The following IGDCC3 variants were observed in gnomAD, a reference collection of about 807,000 sequenced individuals.
IGDCC3 encodes the protein putative neuronal cell adhesion molecule.
In IGDCC3, 47 loss-of-function variants were observed where a neutral mutation model predicts 72.0. The observed-to-expected ratio is 0.65, with a 90% CI of 0.52 to 0.83. The LOEUF (loss-of-function observed/expected upper bound fraction) is 0.83. IGDCC3 is among the 40% of genes least tolerant of loss of function. IGDCC3 has a pLI of 0.00. For missense variants in IGDCC3, 1,038 were observed against 1,091.3 expected (o/e 0.95, Z 0.69); for synonymous variants, 477 against 472.8 (o/e 1.01, Z -0.11).
intron 2 of IGDCC3, among the ~76,000 whole-genome samples, chr15:65,354,125 C>T (rs945899272): frequency 1.8e-4 from 28 of 152,148 alleles, no homozygotes; most frequent in Admixed American, 1.8e-3. Flanking sequence ...AGGCTGGTCT[C>T]GAACTCCTGA....
In IGDCC3 at chr15:65,340,766, T is replaced by A. The variant is rs1475635483; in HGVS notation, c.410-4810A>T. Reference sequence around the variant, plus strand: ...TGTTTTTTGAGAGAGACTCACTCTATCACCTAGGCTGCAGTGCAGTGGTGA... The same window carrying A: ...TGTTTTTTGAGAGAGACTCACTCTAACACCTAGGCTGCAGTGCAGTGGTGA... On this transcript the variant is annotated intron_variant, in intron 2 of 13. Coordinates refer to ENST00000327987, the MANE Select transcript of IGDCC3 (RefSeq NM_004884.4). Among the ~76,000 whole-genome samples, 3 of 152,248 alleles carry A rather than the reference T, an allele frequency of 2.0e-5. No homozygotes were observed. In the East Asian group the frequency reaches 5.8e-4, roughly 29 times the overall value.
chr15:65,350,427 G>A (rs1368235676), intron 2 of IGDCC3, among the ~76,000 whole-genome samples: 1 of 150,878 alleles, frequency 6.6e-6, no homozygotes, highest in East Asian at 1.9e-4. Context: ...TGGGATTACA[G>A]GCATAAGCCA....
At chr15:65,364,542 C>T (rs1192147528) in intron 2 of IGDCC3, among the ~76,000 whole-genome samples, 1 of 152,138 alleles carries the variant, frequency 6.6e-6, no homozygotes, top group African/African-American at 2.4e-5. Context: ...CAGGAGCCCA[C>T]ATCCAAGGCT....
In IGDCC3 at chr15:65,331,679, C is replaced by G. The variant is rs1238995019; in HGVS notation, c.1149-20G>C. On this transcript the variant is annotated intron_variant, in intron 7 of 13. Transcript: ENST00000327987. ...AGTGTGCTGCAGGGGAGAGAGACAG[C>G]CTCAGGTTCCCTCCTCCCTGGAGGT... The G allele has an allele frequency of 6.4e-7, 1 of 1,567,160 alleles. No individual in the cohort carries two copies. Among genetic ancestry groups the G allele is most frequent in the Non-Finnish European group, 8.7e-7 (1 of 1,152,604 alleles).
intron 2 of IGDCC3, among the ~76,000 whole-genome samples, chr15:65,349,296 G>A (rs902794622): frequency 8.5e-5 from 13 of 152,212 alleles, no homozygotes; most frequent in Non-Finnish European, 8.8e-5. Flanking sequence ...CCCCTGGGGC[G>A]ATGGTGGCAT....
chr15:65,348,350 C>G (rs1444444558), intron 2 of IGDCC3, among the ~76,000 whole-genome samples: 1 of 152,184 alleles, frequency 6.6e-6, no homozygotes, highest in Non-Finnish European at 1.5e-5. Context: ...CTCTTGGGGT[C>G]TGAATTGGGA....
chr15:65,353,190 C>CTTT (rs575582153), intron 2 of IGDCC3, among the ~76,000 whole-genome samples: 1 of 144,418 alleles, frequency 6.9e-6, no homozygotes, highest in Non-Finnish European at 1.5e-5. Flanking sequence ...GACAAGCGTA[C>CTTT]TTTTTTTTTT....
chr15:65,376,162 T>C lies in IGDCC3; in HGVS notation c.104-760A>G, dbSNP rs538503158. Among the ~76,000 whole-genome samples, 5 of 152,040 alleles carry C rather than the reference T, an allele frequency of 3.3e-5. No individual in the cohort carries two copies. In the East Asian group the frequency reaches 5.8e-4, roughly 18 times the overall value. ...CTTTGTCATAGGGAGAGATGAAGAGTAGCAAACACCAACTATGGTTTCCCA... is the reference window on the plus strand; with the variant it reads ...CTTTGTCATAGGGAGAGATGAAGAGCAGCAAACACCAACTATGGTTTCCCA... On this transcript the variant is annotated intron_variant, in intron 1 of 13. Coordinates refer to ENST00000327987, the MANE Select transcript of IGDCC3 (RefSeq NM_004884.4).
chr15:65,350,994 A>AT (rs1009517853), intron 2 of IGDCC3, among the ~76,000 whole-genome samples: 13 of 152,144 alleles, frequency 8.5e-5, no homozygotes, highest in Non-Finnish European at 1.8e-4. Context: ...GAGAATGTGT[A>AT]TTTTTTTTCT....
chr15:65,368,023 A>G (rs1174689631), intron 2 of IGDCC3, among the ~76,000 whole-genome samples: 2 of 152,086 alleles, frequency 1.3e-5, no homozygotes, highest in African/African-American at 4.8e-5. Flanking sequence ...TGGTGGAATC[A>G]CTCAGTCCAG....
chr15:65,336,478 G>A (rs917784150), intron 2 of IGDCC3, among the ~76,000 whole-genome samples: 6 of 152,000 alleles, frequency 3.9e-5, no homozygotes, highest in African/African-American at 1.5e-4. Flanking sequence ...CAGGGACACT[G>A]GTCATCAGGC....
intron 2 of IGDCC3, among the ~76,000 whole-genome samples, chr15:65,362,086 TA>T (rs1304050630): frequency 3.0e-3 from 418 of 140,870 alleles, no homozygotes; most frequent in Admixed American, 2.7e-3. Flanking sequence ...ATCCTGACAT[TA>T]AAAAAAAAAA....
chr15:65,368,289 G>A (rs2091301590), intron 2 of IGDCC3, among the ~76,000 whole-genome samples: 1 of 152,038 alleles, frequency 6.6e-6, no homozygotes, highest in African/African-American at 2.4e-5. Flanking sequence ...CCTGGGGGTG[G>A]GGAGGGGACA....
At chr15:65,354,172 C>T (rs2091196108) in intron 2 of IGDCC3, among the ~76,000 whole-genome samples, 1 of 152,228 alleles carries the variant, frequency 6.6e-6, no homozygotes, top group Admixed American at 6.5e-5. Flanking sequence ...TCCCAAAGTG[C>T]TGGGATTATA....
In IGDCC3 at chr15:65,329,652, G is replaced by T; in HGVS notation, c.1998-55C>A. The stretch of plus-strand genomic sequence containing the variant: ...GAGAGAGAAAAGAGACAGAGGCAGT[G>T]AGCCCACACTCACCTTCTCTAGGCC... On this transcript the variant is annotated intron_variant, in intron 12 of 13. Transcript: ENST00000327987. The surrounding 1 kb of genome is among the most constrained non-coding windows in gnomAD (Gnocchi z 4.1). 1 of 1,610,824 alleles carries T rather than the reference G, an allele frequency of 6.2e-7. No individual in the cohort carries two copies. Among genetic ancestry groups the T allele is most frequent in the South Asian group, 1.1e-5 (1 of 90,988 alleles).
intron 2 of IGDCC3, among the ~76,000 whole-genome samples, chr15:65,347,851 G>A (rs2091138106): frequency 6.6e-6 from 1 of 152,154 alleles, no homozygotes; most frequent in African/African-American, 2.4e-5. Flanking sequence ...CAGGAGAATT[G>A]CTTGAACCTG....
chr15:65,338,907 T>C (rs780251402), intron 2 of IGDCC3, among the ~76,000 whole-genome samples: 7 of 151,138 alleles, frequency 4.6e-5, no homozygotes, highest in Non-Finnish European at 8.9e-5. Flanking sequence ...TATTTTTTCT[T>C]TTTTTTTTCT....
At chr15:65,352,386 C>T (rs2091180419) in intron 2 of IGDCC3, among the ~76,000 whole-genome samples, 1 of 152,158 alleles carries the variant, frequency 6.6e-6, no homozygotes. Flanking sequence ...GTTGGAGAAA[C>T]TGATTATTTT....
intron 2 of IGDCC3, among the ~76,000 whole-genome samples, chr15:65,373,016 C>T (rs926528370): frequency 1.3e-5 from 2 of 152,206 alleles, no homozygotes; most frequent in Non-Finnish European, 2.9e-5. Context: ...AAGCTGACCC[C>T]ACCCACAGCT....
Sources: allele counts gnomAD v4.1 joint callset (sites outside exome capture counted in the v4.1 genomes callset), GRCh38; gene constraint gnomAD v4.1.1; non-coding constraint Gnocchi (gnomAD v3.1); transcripts MANE v1.5; gene names NCBI Gene and HGNC (gene_info 2026-07-23, HGNC 2026-07-21).